EML6: variants seen among roughly 807,000 people sequenced by gnomAD.
The protein encoded by EML6 is EMAP like 6.
In EML6, 154 loss-of-function variants were observed where a neutral mutation model predicts 240.1. The observed-to-expected ratio is 0.64, with a 90% CI of 0.56 to 0.73. The LOEUF is 0.73. Among genes scored for constraint, EML6 ranks in the 30% least tolerant of loss-of-function variants. The pLI, the probability that EML6 is intolerant of heterozygous loss-of-function variation, is 0.00. For synonymous variants in EML6, 1,148 were observed against 899.0 expected (o/e 1.28, Z -4.95); for missense variants, 2,964 against 2,474.6 (o/e 1.20, Z -4.20).
At chr2:54,768,661 ATCCT>A in intron 2 of EML6, among the ~76,000 whole-genome samples, 1 of 152,306 alleles carries the variant, frequency 6.6e-6, no homozygotes, top group Non-Finnish European at 1.5e-5. Context: ...AAGATCTGTT[ATCCT>A]CTTTCTGTGT....
At chr2:54,927,067 G>A (rs1304824684) in intron 26 of EML6, among the ~76,000 whole-genome samples, 3 of 152,134 alleles carry the variant, frequency 2.0e-5, no homozygotes, top group Non-Finnish European at 4.4e-5. Flanking sequence ...CATGCTTTCT[G>A]GAACTCACAT....
At chr2:54,799,578 C>T (rs542765021) in intron 2 of EML6, among the ~76,000 whole-genome samples, 5 of 152,060 alleles carry the variant, frequency 3.3e-5, no homozygotes, top group East Asian at 1.9e-4. Flanking sequence ...CTCCTGACCT[C>T]GTGATTCACC....
chr2:54,792,382 C>A (rs1456224503), intron 2 of EML6, among the ~76,000 whole-genome samples: 1 of 152,176 alleles, frequency 6.6e-6, no homozygotes, highest in Non-Finnish European at 1.5e-5. Context: ...TTAATAAAAA[C>A]TTGATAGCTA....
At chr2:54,838,317 C>G (rs74849142) in intron 7 of EML6, among the ~76,000 whole-genome samples, 3,042 of 152,278 alleles carry the variant, frequency 0.02, 35 homozygotes, top group Non-Finnish European at 0.032. Context: ...TGTATTGATT[C>G]ATTCCTCAGT....
intron 7 of EML6, among the ~76,000 whole-genome samples, chr2:54,841,400 C>T (rs1572984022): frequency 6.6e-6 from 1 of 152,158 alleles, no homozygotes; most frequent in Non-Finnish European, 1.5e-5. Flanking sequence ...ACAGTTATCT[C>T]ATGTATTTGT....
chr2:54,796,827 G>C (rs762358492), intron 2 of EML6, among the ~76,000 whole-genome samples: 4 of 152,094 alleles, frequency 2.6e-5, no homozygotes, highest in Non-Finnish European at 5.9e-5. Context: ...AGAGGGTTAA[G>C]TGCAGGAGTA....
intron 16 of EML6, among the ~76,000 whole-genome samples, chr2:54,874,475 C>T (rs1449573042): frequency 1.3e-5 from 2 of 152,104 alleles, no homozygotes; most frequent in African/African-American, 4.8e-5. Flanking sequence ...GTCTCCATTC[C>T]CCAGATAACA....
intron 28 of EML6, among the ~76,000 whole-genome samples, chr2:54,929,900 G>C (rs1031366569): frequency 2.0e-5 from 3 of 152,034 alleles, no homozygotes; most frequent in Admixed American, 2.0e-4. Context: ...TTTCTGCAGT[G>C]GTCTTCAGAG....
chr2:54,887,142 C>G (rs1672192285), intron 17 of EML6, among the ~76,000 whole-genome samples: 1 of 152,194 alleles, frequency 6.6e-6, no homozygotes, highest in South Asian at 2.1e-4. Flanking sequence ...TTTCTGCTGT[C>G]AGTAATACTC....
At chr2:54,812,863 AAATT>A (rs1378711468) in intron 2 of EML6, among the ~76,000 whole-genome samples, 2 of 152,234 alleles carry the variant, frequency 1.3e-5, no homozygotes, top group Non-Finnish European at 2.9e-5. Flanking sequence ...ATTTAAAAAA[AAATT>A]AAAGTCAAAA....
At chr2:54,885,302 C>G (rs556955503) in intron 17 of EML6, among the ~76,000 whole-genome samples, 4 of 151,780 alleles carry the variant, frequency 2.6e-5, no homozygotes, top group Non-Finnish European at 5.9e-5. Flanking sequence ...AAAAAATTAG[C>G]CAGGCATGGT....
At position 54,753,293 on chromosome 2, in the gene EML6, A is replaced by C. The variant is rs192812824; in HGVS notation, c.197+28035A>C. Among the ~76,000 whole-genome samples the C allele has an allele frequency of 8.7e-4, 132 of 152,276 alleles. No homozygotes were observed. In the Middle Eastern group the frequency reaches 0.017, roughly 20 times the overall value. On this transcript the variant is annotated intron_variant, in intron 2 of 41. Coordinates refer to ENST00000356458, the MANE Select transcript of EML6 (RefSeq NM_001039753.4). ...ATTGAGCACTAGTGTAGTCACAATG[A>C]TGTTCCTCTAAAGATATATCGATGT...
intron 2 of EML6, among the ~76,000 whole-genome samples, chr2:54,804,249 T>A (rs544417485): frequency 2.0e-5 from 3 of 152,368 alleles, no homozygotes; most frequent in Admixed American, 1.3e-4. Context: ...GACTGGCATA[T>A]TTAATTATCC....
At chr2:54,860,903 C>G (rs897285119) in intron 12 of EML6, among the ~76,000 whole-genome samples, 1 of 152,212 alleles carries the variant, frequency 6.6e-6, no homozygotes, top group Admixed American at 6.5e-5. Flanking sequence ...CCTCTTTGCT[C>G]TGGGAGCAGA....
intron 2 of EML6, among the ~76,000 whole-genome samples, chr2:54,730,144 A>G (rs1683090018): frequency 6.6e-6 from 1 of 152,212 alleles, no homozygotes; most frequent in African/African-American, 2.4e-5. Flanking sequence ...CTCAAGAAAA[A>G]AAAAAGAAAA....
In EML6 at chr2:54,948,296, G is replaced by A. The variant is rs1171536287; in HGVS notation, c.4005-586G>A. Among the ~76,000 whole-genome samples the A allele has an allele frequency of 3.3e-5, 5 of 152,292 alleles. No homozygotes were observed. In the South Asian group the frequency reaches 8.3e-4, roughly 25 times the overall value. ...CAGACCCGAGTCCTGAGGCGAGGGC[G>A]GAGTGGGAGGCGGGAGTGCTGTCTG... On this transcript the variant is annotated intron_variant, in intron 28 of 41. Coordinates refer to ENST00000356458, the MANE Select transcript of EML6 (RefSeq NM_001039753.4).
chr2:54,789,939 G>C (rs1669339560), intron 2 of EML6, among the ~76,000 whole-genome samples: 1 of 152,160 alleles, frequency 6.6e-6, no homozygotes, highest in African/African-American at 2.4e-5. Context: ...ACCCAAATGA[G>C]AATGAGCTTC....
rs183857870 is a variant in EML6, at chr2:54,869,313, C to T, written c.2184C>T (p.Asp728=). 1.4e-4 allele frequency: 216 copies of T among 1,551,572 alleles called. No individual in the cohort carries two copies. Among genetic ancestry groups the T allele is most frequent in the African/African-American group, 1.1e-3 (77 of 73,132 alleles). ...HSQRLYLGHD[D]DILSLTIHPV... ...AGAGGCTGTACCTGGGGCACGATGACGACATTCTCAGCCTGACCATCCATC... is the reference window on the plus strand; with the variant it reads ...AGAGGCTGTACCTGGGGCACGATGATGACATTCTCAGCCTGACCATCCATC... The change falls in exon 15 of 42, where the codon GAC becomes GAT. Residue 728 remains aspartate (D), a synonymous_variant. Transcript: ENST00000356458.
chr2:54,912,125 C>T (rs531000433), intron 25 of EML6, among the ~76,000 whole-genome samples: 5 of 152,282 alleles, frequency 3.3e-5, no homozygotes, highest in African/African-American at 7.2e-5. Context: ...CATTTGGACA[C>T]GTGTACATTT....
Sources: allele counts gnomAD v4.1 joint callset (sites outside exome capture counted in the v4.1 genomes callset), GRCh38; gene constraint gnomAD v4.1.1; transcripts MANE v1.5; gene names NCBI Gene and HGNC (gene_info 2026-07-23, HGNC 2026-07-21).